CRADD: variants seen among roughly 807,000 people sequenced by gnomAD.
The protein encoded by CRADD is CARD and death domain containing adaptor protein.
Under a neutral mutation model 15.5 loss-of-function variants are expected in CRADD, and 9 were observed. The observed-to-expected ratio is 0.58, with a 90% CI of 0.35 to 1.01. CRADD has a LOEUF of 1.01. Ranked by LOEUF, CRADD falls within the 50% of genes least tolerant of loss-of-function variation. The pLI is 0.02. For missense variants in CRADD, 227 were observed against 250.3 expected, an observed-to-expected ratio of 0.91 and a Z score of 0.63; for synonymous variants, 118 against 107.6, an observed-to-expected ratio of 1.10 and a Z score of -0.60.
At chr12:93,692,911 T>C (rs1592890740) in intron 2 of CRADD, among the ~76,000 whole-genome samples, 2 of 152,294 alleles carry the variant, frequency 1.3e-5, no homozygotes, top group Admixed American at 6.5e-5. Context: ...ATAAAGTATA[T>C]ACAAAACAAA....
At chr12:93,823,787 G>T (rs1444251178) in intron 2 of CRADD, among the ~76,000 whole-genome samples, 1 of 152,226 alleles carries the variant, frequency 6.6e-6, no homozygotes, top group Admixed American at 6.5e-5. Context: ...GAGGTGGGAA[G>T]TGGAGTGAGT....
At chr12:93,685,882 A>C (rs1473933910) in intron 2 of CRADD, among the ~76,000 whole-genome samples, 1 of 151,946 alleles carries the variant, frequency 6.6e-6, no homozygotes, top group South Asian at 2.1e-4. Context: ...AATCCCAGCT[A>C]CTTGGGAGGC....
chr12:93,777,330 T>G (rs867650715), intron 2 of CRADD, among the ~76,000 whole-genome samples: 2 of 152,226 alleles, frequency 1.3e-5, no homozygotes, highest in Non-Finnish European at 1.5e-5. Context: ...GAACTGAGGT[T>G]AGTACACTGA....
At chr12:93,685,953 A>C (rs1036954120) in intron 2 of CRADD, among the ~76,000 whole-genome samples, 4 of 151,986 alleles carry the variant, frequency 2.6e-5, no homozygotes, top group Non-Finnish European at 5.9e-5. Context: ...AGATCGCGCC[A>C]TTGCACTCCA....
intron 2 of CRADD, among the ~76,000 whole-genome samples, chr12:93,734,964 C>G (rs970541192): frequency 6.6e-6 from 1 of 152,048 alleles, no homozygotes. Context: ...CTCATAGCAC[C>G]CTGTGATTTT....
intron 2 of CRADD, chr12:93,859,590 G>T (rs917483437): frequency 3.3e-6 from 1 of 302,644 alleles, no homozygotes; most frequent in African/African-American, 2.2e-5. Context: ...AGGGGTCCTG[G>T]TCTCCCATGA....
intron 2 of CRADD, among the ~76,000 whole-genome samples, chr12:93,779,983 A>G (rs1175829973): frequency 6.6e-6 from 1 of 152,236 alleles, no homozygotes; most frequent in Admixed American, 6.5e-5. Context: ...ATCAGGGACA[A>G]ATTCAGAAGA....
intron 2 of CRADD, among the ~76,000 whole-genome samples, chr12:93,832,179 C>T (rs10859591): frequency 0.19 from 28,710 of 152,124 alleles, 3,541 homozygotes; most frequent in Non-Finnish European, 0.28. Context: ...CTGCCCCTTA[C>T]AGCTTTGGGA....
At chr12:93,884,067 AC>A (rs1365925959) in intron 2 of CRADD, among the ~76,000 whole-genome samples, 1 of 151,922 alleles carries the variant, frequency 6.6e-6, no homozygotes, top group Non-Finnish European at 1.5e-5. Context: ...ACACAGATCA[AC>A]CCTGGTACGG....
intron 2 of CRADD, among the ~76,000 whole-genome samples, chr12:93,680,515 G>A (rs1955259149): frequency 6.6e-6 from 1 of 152,170 alleles, no homozygotes; most frequent in African/African-American, 2.4e-5. Context: ...CCTAGTCTGG[G>A]CTCGTTACAG....
Position 93,802,102 on chromosome 12 carries a change from C to T in CRADD, c.299-47868C>T, listed in dbSNP as rs116149923. On this transcript the variant is annotated intron_variant, in intron 2 of 2. Transcript: ENST00000332896. ...CTTTATCCATTCGTTGGTTGATGGCCACTTAGGCTGGTTCCCTATCTTTGC... is the reference window on the plus strand; with the variant it reads ...CTTTATCCATTCGTTGGTTGATGGCTACTTAGGCTGGTTCCCTATCTTTGC... Among the ~76,000 whole-genome samples, 692 of 152,288 alleles carry T rather than the reference C, an allele frequency of 4.5e-3. 6 individuals carry two copies. Among genetic ancestry groups the T allele is most frequent in the African/African-American group, 0.016 (663 of 41,554 alleles).
chr12:93,806,437 G>A (rs1957538125), intron 2 of CRADD, among the ~76,000 whole-genome samples: 1 of 121,106 alleles, frequency 8.3e-6, no homozygotes, highest in Admixed American at 1.1e-4. Context: ...AGGCGACAGA[G>A]CGAGACTCCA....
At chr12:93,685,458 T>A (rs1955407221) in intron 2 of CRADD, among the ~76,000 whole-genome samples, 1 of 152,194 alleles carries the variant, frequency 6.6e-6, no homozygotes, top group Admixed American at 6.5e-5. Context: ...AAAGAAAGAA[T>A]AAATGTTTGA....
intron 2 of CRADD, among the ~76,000 whole-genome samples, chr12:93,711,416 T>C (rs901407786): frequency 2.6e-5 from 4 of 152,090 alleles, no homozygotes; most frequent in African/African-American, 9.7e-5. Context: ...CTTTTAAAAA[T>C]GTAAGTCAGA....
At chr12:93,818,135 A>G (rs1285338181) in intron 2 of CRADD, among the ~76,000 whole-genome samples, 1 of 152,180 alleles carries the variant, frequency 6.6e-6, no homozygotes, top group Non-Finnish European at 1.5e-5. Context: ...GTTAAGATAA[A>G]AATTCCTCCT....
chr12:93,800,796 G>T (rs1957469332), intron 2 of CRADD, among the ~76,000 whole-genome samples: 1 of 152,100 alleles, frequency 6.6e-6, no homozygotes, highest in Non-Finnish European at 1.5e-5. Flanking sequence ...TGATTCAAAT[G>T]CTACTCTCTT....
At chr12:93,835,160 T>A (rs1957960127) in intron 2 of CRADD, among the ~76,000 whole-genome samples, 1 of 152,222 alleles carries the variant, frequency 6.6e-6, no homozygotes, top group Non-Finnish European at 1.5e-5. Flanking sequence ...GATGAATTTT[T>A]TAGTTTTTTT....
At chr12:93,735,363 A>G (rs1956547718) in intron 2 of CRADD, among the ~76,000 whole-genome samples, 1 of 152,212 alleles carries the variant, frequency 6.6e-6, no homozygotes, top group Non-Finnish European at 1.5e-5. Flanking sequence ...GCAAAAAGTG[A>G]CAAGGTGTGG....
intron 2 of CRADD, among the ~76,000 whole-genome samples, chr12:93,885,031 A>G (rs1049555381): frequency 1.3e-5 from 2 of 152,144 alleles, no homozygotes; most frequent in African/African-American, 4.8e-5. Context: ...GGTGCTAGGA[A>G]GAGGTGGGAA....
Sources: allele counts gnomAD v4.1 joint callset (sites outside exome capture counted in the v4.1 genomes callset), GRCh38; gene constraint gnomAD v4.1.1; transcripts MANE v1.5; gene names NCBI Gene and HGNC (gene_info 2026-07-23, HGNC 2026-07-21).